The following NDUFA8 variants were observed in gnomAD, a reference collection of about 807,000 sequenced individuals.
NDUFA8 encodes the protein NADH dehydrogenase [ubiquinone] 1 alpha subcomplex subunit 8.
A neutral mutation model predicts 20.9 loss-of-function variants in NDUFA8; 16 were observed. The observed-to-expected ratio is 0.77, with a 90% CI of 0.52 to 1.16. The LOEUF (loss-of-function observed/expected upper bound fraction) is 1.16. Among genes scored for constraint, NDUFA8 ranks in the 50% most tolerant of loss-of-function variants. The pLI is 0.00. For missense variants in NDUFA8, 202 were observed against 216.4 expected (o/e 0.93, Z 0.42); for synonymous variants, 70 against 76.1 (o/e 0.92, Z 0.41).
intron 3 of NDUFA8, among the ~76,000 whole-genome samples, chr9:122,146,416 A>ATTT: frequency 6.6e-6 from 1 of 152,226 alleles, no homozygotes; most frequent in South Asian, 2.1e-4. Flanking sequence ...GAGAAAAGGT[A>ATTT]GTTTTATTTG....
In NDUFA8 at chr9:122,159,681, G is replaced by C. The variant is rs113033164; in HGVS notation, c.-4C>G. The C allele has an allele frequency of 3.7e-6, 6 of 1,614,058 alleles. No homozygotes were observed. Among genetic ancestry groups the C allele is most frequent in the Admixed American group, 1.7e-5 (1 of 60,022 alleles). The stretch of plus-strand genomic sequence containing the variant: ...GCAGCTCCACTATCCCCGGCATGAC[G>C]GCTGCAGCCCCGACCCCGACGAGAA... On this transcript the variant is annotated 5_prime_UTR_variant, in exon 1 of 4. Coordinates refer to ENST00000373768, the MANE Select transcript of NDUFA8 (RefSeq NM_014222.3).
Position 122,158,961 on chromosome 9 carries a change from C to A in NDUFA8, c.51+666G>T, listed in dbSNP as rs140492760. 1.0e-3 allele frequency among the ~76,000 whole-genome samples: 157 copies of A among 152,160 alleles called. 1 individual carries two copies. The highest frequency in any genetic ancestry group is 3.6e-3 in the African/African-American group (148 of 41,506). On this transcript the variant is annotated intron_variant, in intron 1 of 3. Coordinates refer to ENST00000373768, the MANE Select transcript of NDUFA8 (RefSeq NM_014222.3). ...TATGTTTCTACTTCACTCCTCACAG[C>A]ACTAACTACATTGTACTGTGACTGC...
downstream of NDUFA8, among the ~76,000 whole-genome samples, chr9:122,142,398 T>C (rs1200709757): frequency 6.6e-6 from 1 of 152,150 alleles, no homozygotes; most frequent in Non-Finnish European, 1.5e-5. Context: ...GGGAGTGCTT[T>C]CAAAAATTCC....
the NDUFA8 span, among the ~76,000 whole-genome samples, chr9:122,136,116 A>G: frequency 6.6e-6 from 1 of 152,054 alleles, no homozygotes; most frequent in Non-Finnish European, 1.5e-5. Context: ...ATTGCAACTT[A>G]TTTACTGTTC....
In NDUFA8 at chr9:122,159,523, G is replaced by T. The variant is rs562895458; in HGVS notation, c.51+104C>A. On this transcript the variant is annotated intron_variant, in intron 1 of 3. Coordinates refer to ENST00000373768, the MANE Select transcript of NDUFA8 (RefSeq NM_014222.3). ...TGTATATGCGTTGGAGGACTGGGGA[G>T]GGGGGCCCGGGTCCCAGGATCCGCG... 2.0e-4 allele frequency: 284 copies of T among 1,410,074 alleles called. 1 individual carries two copies. The African/African-American group carries it at 3.3e-3, about 16-fold the overall frequency. 87.3% of individuals were successfully genotyped at this position (1,410,074 alleles called of 1,614,324 possible).
At chr9:122,134,308 A>G in the NDUFA8 span, among the ~76,000 whole-genome samples, 77 of 152,192 alleles carry the variant, frequency 5.1e-4, no homozygotes, top group Non-Finnish European at 8.7e-4. Flanking sequence ...GAATCAGACA[A>G]AACTGGGTTT....
chr9:122,158,635 A>G (rs1311728499), intron 1 of NDUFA8, among the ~76,000 whole-genome samples: 1 of 151,816 alleles, frequency 6.6e-6, no homozygotes, highest in African/African-American at 2.4e-5. Context: ...TTCCTTATTT[A>G]TAACGCTACG....
chr9:122,159,204 A>AGG, intron 1 of NDUFA8, among the ~76,000 whole-genome samples: 4 of 152,000 alleles, frequency 2.6e-5, no homozygotes, highest in Admixed American at 6.5e-5. Flanking sequence ...ACCCCACTCT[A>AGG]TGCACTCTGC....
the NDUFA8 span, among the ~76,000 whole-genome samples, chr9:122,137,904 A>G: frequency 0.012 from 1,849 of 152,338 alleles, 44 homozygotes; most frequent in African/African-American, 0.043. Flanking sequence ...AGCCCAGCAT[A>G]GCAGCCCAGC....
chr9:122,146,983 G>A (rs1053357291), intron 3 of NDUFA8, among the ~76,000 whole-genome samples: 9 of 152,188 alleles, frequency 5.9e-5, no homozygotes, highest in Non-Finnish European at 1.2e-4. Context: ...GATCATAAAG[G>A]GCCTGCATGC....
chr9:122,138,869 G>GGC, the NDUFA8 span, among the ~76,000 whole-genome samples: 2 of 142,064 alleles, frequency 1.4e-5, no homozygotes, highest in Admixed American at 6.9e-5. Context: ...AAGAGGTGGG[G>GGC]GGGGGGCCAT....
downstream of NDUFA8, among the ~76,000 whole-genome samples, chr9:122,143,134 A>T (rs528642808): frequency 8.5e-5 from 13 of 152,256 alleles, no homozygotes; most frequent in South Asian, 4.1e-4. Context: ...CCTGCACCTC[A>T]TCTGCCTGGT....
At chr9:122,152,155 A>G (rs1829009578) in intron 2 of NDUFA8, 90 bp downstream of exon 2, 2 of 1,434,380 alleles carry the variant, frequency 1.4e-6, no homozygotes, top group African/African-American at 1.4e-5. Flanking sequence ...TGTACTTCCT[A>G]ATAAAATCCA....
At chr9:122,141,440 G>C (rs1828819857), downstream of NDUFA8, among the ~76,000 whole-genome samples, 1 of 152,198 alleles carries the variant, frequency 6.6e-6, no homozygotes, top group Non-Finnish European at 1.5e-5. Context: ...AGTAGCAAAT[G>C]AGAGCGATTA....
chr9:122,145,613 T>C (rs1259468261), intron 3 of NDUFA8, among the ~76,000 whole-genome samples: 1 of 152,230 alleles, frequency 6.6e-6, no homozygotes, highest in Non-Finnish European at 1.5e-5. Flanking sequence ...CCAATTATTA[T>C]TATAACCACC....
chr9:122,152,133 T>A, intron 2 of NDUFA8, 112 bp downstream of exon 2: 2 of 1,251,902 alleles, frequency 1.6e-6, no homozygotes, highest in Non-Finnish European at 2.3e-6. Context: ...CTTGGTCTGA[T>A]TTCAAAGCCT....
At chr9:122,152,451 A>T (rs1405721910) in intron 1 of NDUFA8, 43 bp from the exon 2 acceptor site, 1 of 1,598,500 alleles carries the variant, frequency 6.3e-7, no homozygotes, top group Non-Finnish European at 8.6e-7. Context: ...ACTGTGAACC[A>T]GAATACCACT....
At chr9:122,145,817 G>T (rs1407013129) in intron 3 of NDUFA8, among the ~76,000 whole-genome samples, 1 of 152,182 alleles carries the variant, frequency 6.6e-6, no homozygotes, top group African/African-American at 2.4e-5. Flanking sequence ...TCCACTAGTG[G>T]TTCCTTGGTA....
At chr9:122,143,033 G>C (rs553408900), downstream of NDUFA8, among the ~76,000 whole-genome samples, 1 of 152,202 alleles carries the variant, frequency 6.6e-6, no homozygotes, top group Non-Finnish European at 1.5e-5. Context: ...AAATGCTTCC[G>C]GATGTGGGGT....
Sources: gnomAD v4.1 joint callset for allele counts (sites outside exome capture counted in the v4.1 genomes callset) on GRCh38, gnomAD v4.1.1 for gene constraint, MANE v1.5 for transcripts, NCBI Gene and HGNC (gene_info 2026-07-23, HGNC 2026-07-21) for gene names.